NCOA3: variants seen among roughly 807,000 people sequenced by gnomAD.
NCOA3 encodes the protein CBP-interacting protein.
NCOA3 carries 51 observed loss-of-function variants against 158.8 expected under a neutral mutation model. The observed-to-expected ratio is 0.32, with a 90% CI of 0.26 to 0.41. The LOEUF (loss-of-function observed/expected upper bound fraction) is 0.41. NCOA3 is among the 10% of genes least tolerant of loss of function. The pLI is 1.00. For missense variants in NCOA3, 1,510 were observed against 1,746.6 expected, an observed-to-expected ratio of 0.86 and a Z score of 2.41; for synonymous variants, 537 against 592.4, an observed-to-expected ratio of 0.91 and a Z score of 1.36.
intron 1 of NCOA3, among the ~76,000 whole-genome samples, chr20:47,550,549 A>C (rs1347159946): frequency 6.6e-6 from 1 of 152,150 alleles, no homozygotes; most frequent in Non-Finnish European, 1.5e-5. Flanking sequence ...ACTGATTAAC[A>C]AACGACCTAT....
At chr20:47,535,353 T>A (rs1295760719) in intron 1 of NCOA3, among the ~76,000 whole-genome samples, 1 of 152,192 alleles carries the variant, frequency 6.6e-6, no homozygotes. Context: ...CAGTGTGCTC[T>A]TTCAGTTTTG....
Position 47,623,959 on chromosome 20 carries a change from T to C in NCOA3, c.132T>C (p.Tyr44=), listed in dbSNP as rs2086282609. 6.2e-7 allele frequency: 1 copy of C among 1,613,778 alleles called. No homozygotes were observed. The highest frequency in any genetic ancestry group is 8.5e-7 in the Non-Finnish European group (1 of 1,179,912). ...GGAGACGGGAGCAGGAAAGTAAATA[T>C]ATTGAAGAATTGGCTGAGCTGATAT... is the stretch of plus-strand genomic sequence containing the variant. ...EKRRREQESK[Y]IEELAELISA... The change falls in exon 4 of 23, where the codon TAT becomes TAC. Residue 44 remains tyrosine (Y), a synonymous_variant. Transcript: ENST00000371998.
intron 1 of NCOA3, among the ~76,000 whole-genome samples, chr20:47,578,474 C>T (rs1271826053): frequency 1.3e-5 from 2 of 152,250 alleles, no homozygotes. Flanking sequence ...GCATGAGCCA[C>T]TGCACCCAGC....
chr20:47,563,181 C>A (rs530123951), intron 1 of NCOA3, among the ~76,000 whole-genome samples: 1 of 152,174 alleles, frequency 6.6e-6, no homozygotes, highest in Non-Finnish European at 1.5e-5. Flanking sequence ...CCTAATCTAT[C>A]CTTTTTATAT....
At chr20:47,647,901 G>T (rs370934593) in intron 18 of NCOA3, among the ~76,000 whole-genome samples, 146 of 141,008 alleles carry the variant, frequency 1.0e-3, no homozygotes, top group Admixed American at 4.1e-3. Context: ...TTTTTTGTTT[G>T]TTTGTTTGTT....
chr20:47,532,110 T>TTTG (rs3221450), intron 1 of NCOA3, among the ~76,000 whole-genome samples: 2 of 147,402 alleles, frequency 1.4e-5, no homozygotes, highest in Admixed American at 1.4e-4. Flanking sequence ...AGGGGGGGAC[T>TTTG]TGTGTGTGTG....
intron 1 of NCOA3, among the ~76,000 whole-genome samples, chr20:47,550,316 T>C (rs188739399): frequency 6.6e-6 from 1 of 151,658 alleles, no homozygotes; most frequent in Non-Finnish European, 1.5e-5. Flanking sequence ...TGGAGGCACA[T>C]GCCTGTAATC....
intron 1 of NCOA3, among the ~76,000 whole-genome samples, chr20:47,534,363 A>G (rs1172225121): frequency 6.6e-6 from 1 of 152,044 alleles, no homozygotes; most frequent in African/African-American, 2.4e-5. Flanking sequence ...GTGCTGTCCA[A>G]CTTGGTACTT....
intron 22 of NCOA3, 51 bp from the exon 23 acceptor site, chr20:47,653,355 A>G (rs970566960): frequency 3.2e-6 from 5 of 1,567,656 alleles, no homozygotes; most frequent in Non-Finnish European, 4.3e-6. Flanking sequence ...TGTGCAAAGC[A>G]TGTGTTTTAC....
chr20:47,625,240 A>G, intron 4 of NCOA3, 141 bp from the exon 5 acceptor site: 1 of 601,128 alleles, frequency 1.7e-6, no homozygotes, highest in Non-Finnish European at 2.9e-6. Context: ...TTGTAGCATC[A>G]TTCTCTTATG....
chr20:47,641,149 T>C (rs572999681), intron 16 of NCOA3, among the ~76,000 whole-genome samples: 1 of 152,212 alleles, frequency 6.6e-6, no homozygotes, highest in South Asian at 2.1e-4. Context: ...ACAGAACTTT[T>C]CTGAGGCAGG....
At chr20:47,525,026 G>A (rs1006705207) in intron 1 of NCOA3, among the ~76,000 whole-genome samples, 1 of 150,004 alleles carries the variant, frequency 6.7e-6, no homozygotes, top group Non-Finnish European at 1.5e-5. Flanking sequence ...GGGAAGGTCA[G>A]CAGATAAACA....
At chr20:47,602,561 A>C in intron 2 of NCOA3, among the ~76,000 whole-genome samples, 1 of 152,254 alleles carries the variant, frequency 6.6e-6, no homozygotes, top group East Asian at 1.9e-4. Flanking sequence ...TATGCAGATC[A>C]CATTGACTTG....
chr20:47,638,766 C>A (rs1351303643), intron 13 of NCOA3, among the ~76,000 whole-genome samples: 1 of 151,110 alleles, frequency 6.6e-6, no homozygotes, highest in African/African-American at 2.4e-5. Flanking sequence ...AGTACTTCAG[C>A]CGACATGGAG....
chr20:47,615,825 A>G (rs990571513), intron 2 of NCOA3, among the ~76,000 whole-genome samples: 1 of 152,194 alleles, frequency 6.6e-6, no homozygotes, highest in African/African-American at 2.4e-5. Context: ...TTAGATTTTG[A>G]TAGCATTGAA....
At chr20:47,648,229 G>C (rs1568755984) in intron 18 of NCOA3, among the ~76,000 whole-genome samples, 1 of 151,962 alleles carries the variant, frequency 6.6e-6, no homozygotes, top group Non-Finnish European at 1.5e-5. Context: ...GGAATCCAAA[G>C]AGCCAGAGAC....
intron 1 of NCOA3, among the ~76,000 whole-genome samples, chr20:47,515,491 C>CT (rs996911270): frequency 1.1e-4 from 8 of 74,270 alleles, no homozygotes; most frequent in African/African-American, 2.0e-4. Flanking sequence ...TTTTTTTTTT[C>CT]TTTTTTTTAA....
At chr20:47,542,330 G>A (rs985602812) in intron 1 of NCOA3, among the ~76,000 whole-genome samples, 3 of 151,790 alleles carry the variant, frequency 2.0e-5, no homozygotes, top group Non-Finnish European at 4.4e-5. Context: ...ACAAGTAACC[G>A]TGCCCGGCTT....
At chr20:47,642,558 A>G (rs1326132658) in intron 17 of NCOA3, among the ~76,000 whole-genome samples, 174 bp downstream of exon 17, 1 of 152,206 alleles carries the variant, frequency 6.6e-6, no homozygotes, top group African/African-American at 2.4e-5. Context: ...TTTGGTCTCA[A>G]TTCGTATGTT....
Sources: allele counts gnomAD v4.1 joint callset (sites outside exome capture counted in the v4.1 genomes callset), GRCh38; gene constraint gnomAD v4.1.1; transcripts MANE v1.5; gene names NCBI Gene and HGNC (gene_info 2026-07-23, HGNC 2026-07-21).